The following TENM1 variants were observed in gnomAD, a reference collection of about 807,000 sequenced individuals.
TENM1 encodes the protein teneurin transmembrane protein 1.
TENM1 carries 35 observed loss-of-function variants against 174.8 expected under a neutral mutation model. The observed-to-expected ratio is 0.20, with a 90% CI of 0.15 to 0.27. The LOEUF (loss-of-function observed/expected upper bound fraction) is 0.27. Among genes scored for constraint, TENM1 ranks in the 10% least tolerant of loss-of-function variants. The pLI, the probability that TENM1 is intolerant of heterozygous loss-of-function variation, is 1.00. For missense variants in TENM1, 1,633 were observed against 2,130.1 expected (o/e 0.77, Z 4.59); for synonymous variants, 781 against 798.7 (o/e 0.98, Z 0.37).
At chrX:124,760,990 A>G (rs1004289177) in intron 3 of TENM1, among the ~76,000 whole-genome samples, 2 of 112,100 alleles carry the variant, frequency 1.8e-5, no homozygotes, top group African/African-American at 3.2e-5. Flanking sequence ...CAAAACCACA[A>G]TGAGATACCA....
chrX:124,813,700 G>T (rs982889005), intron 3 of TENM1, among the ~76,000 whole-genome samples: 1 of 111,338 alleles, frequency 9.0e-6, no homozygotes, highest in Non-Finnish European at 1.9e-5. Context: ...ATATGTGATT[G>T]TATATTTACA....
intron 25 of TENM1, among the ~76,000 whole-genome samples, chrX:124,407,754 A>T (rs2060479522): frequency 8.8e-6 from 1 of 113,013 alleles, no homozygotes; most frequent in South Asian, 3.6e-4. Flanking sequence ...GCACACACAC[A>T]TATATATTAT....
chrX:125,029,375 C>T, the TENM1 span, among the ~76,000 whole-genome samples: 39 of 111,766 alleles, frequency 3.5e-4, no homozygotes, highest in Non-Finnish European at 6.0e-4. Flanking sequence ...TTCCAATCTC[C>T]AGAGGAAGAT....
intron 11 of TENM1, among the ~76,000 whole-genome samples, chrX:124,574,017 A>G (rs1045340387): frequency 1.2e-4 from 13 of 112,452 alleles, no homozygotes; most frequent in Admixed American, 7.6e-4. Context: ...CATTAACATT[A>G]CAGGCTACAA....
At chrX:124,384,359 C>T in exon 30 of TENM1, 1 of 1,211,379 alleles carries the variant, frequency 8.3e-7, no homozygotes, top group Non-Finnish European at 1.1e-6. Context: ...CTTCCCATGG[C>T]TTAAGAGGTT....
At chrX:124,991,500 GAGAGAGAC>G in the TENM1 span, among the ~76,000 whole-genome samples, 23 of 106,999 alleles carry the variant, frequency 2.1e-4, no homozygotes, top group African/African-American at 7.0e-4. Flanking sequence ...GAGAGAGACA[GAGAGAGAC>G]AGAGAGACAG....
At chrX:124,466,171 G>A (rs965278606) in intron 22 of TENM1, among the ~76,000 whole-genome samples, 1 of 111,899 alleles carries the variant, frequency 8.9e-6, no homozygotes, top group African/African-American at 3.3e-5. Context: ...TGGTTGTGGT[G>A]TTTGACTATA....
intron 3 of TENM1, among the ~76,000 whole-genome samples, chrX:124,760,478 T>C (rs559834231): frequency 9.0e-6 from 1 of 111,603 alleles, no homozygotes; most frequent in South Asian, 3.8e-4. Context: ...ATAGGAGTGG[T>C]GCGAGAGGGC....
chrX:124,484,573 C>G (rs1163552028), intron 21 of TENM1, among the ~76,000 whole-genome samples: 1 of 111,805 alleles, frequency 8.9e-6, no homozygotes, highest in Non-Finnish European at 1.9e-5. Context: ...AAATCCAATG[C>G]TACTTTATTT....
At chrX:124,416,552 A>C (rs1328260788) in intron 25 of TENM1, among the ~76,000 whole-genome samples, 1 of 111,891 alleles carries the variant, frequency 8.9e-6, no homozygotes, top group Non-Finnish European at 1.9e-5. Context: ...TTGCTATGAA[A>C]ATTTGTGTAT....
At chrX:124,970,669 C>T in the TENM1 span, among the ~76,000 whole-genome samples, 12 of 111,598 alleles carry the variant, frequency 1.1e-4, no homozygotes, top group South Asian at 3.4e-3. Context: ...GAAATAGGAA[C>T]GCTTTTACAC....
At chrX:124,578,362 A>G (rs1052518456) in intron 11 of TENM1, among the ~76,000 whole-genome samples, 1 of 111,552 alleles carries the variant, frequency 9.0e-6, no homozygotes, top group African/African-American at 3.3e-5. Context: ...TGTTTTCAAC[A>G]CTTCTTCAAT....
the TENM1 span, among the ~76,000 whole-genome samples, chrX:125,021,502 G>A: frequency 1.8e-5 from 2 of 111,340 alleles, no homozygotes; most frequent in Admixed American, 9.6e-5. Context: ...TAACACTTTT[G>A]TACTTATATA....
the TENM1 span, among the ~76,000 whole-genome samples, chrX:125,175,043 C>T: frequency 1.8e-4 from 20 of 111,386 alleles, no homozygotes; most frequent in African/African-American, 6.5e-4. Context: ...CATACACATG[C>T]GCACACACAA....
At position 124,383,524 on chromosome X, in the gene TENM1, C is replaced by T. The variant is rs1003081922; in HGVS notation, c.7297+110G>A. Reference sequence around the variant, plus strand: ...CAGCAAATGCACAATAACTTGCGGGCTAACTGTCAGGAAGAGGAAGCATAT... The same window carrying T: ...CAGCAAATGCACAATAACTTGCGGGTTAACTGTCAGGAAGAGGAAGCATAT... On this transcript the variant is annotated intron_variant, in intron 30 of 31. Transcript: ENST00000422452. The T allele has an allele frequency of 8.1e-5, 59 of 729,457 alleles. No individual in the cohort carries two copies. The South Asian group carries it at 1.4e-3, about 17-fold the overall frequency. The allele number at this position is 729,457 out of a possible 1,213,427, so 60.1% of individuals were successfully genotyped here.
exon 1 of TENM1, chrX:124,963,564 T>C: frequency 8.3e-7 from 1 of 1,210,707 alleles, no homozygotes; most frequent in Non-Finnish European, 1.1e-6. Flanking sequence ...ACTTCTTTCC[T>C]CTTTCTACTC....
intron 1 of TENM1, among the ~76,000 whole-genome samples, chrX:124,958,461 G>A (rs943986458): frequency 1.8e-5 from 2 of 111,754 alleles, no homozygotes; most frequent in Admixed American, 9.5e-5. Context: ...ATGAAAAGGC[G>A]TTTAACCTCC....
intron 3 of TENM1, among the ~76,000 whole-genome samples, chrX:124,785,406 G>A (rs771456166): frequency 9.0e-6 from 1 of 111,543 alleles, no homozygotes; most frequent in South Asian, 3.7e-4. Flanking sequence ...CTGATGCTGG[G>A]CCAGGCATAT....
the TENM1 span, among the ~76,000 whole-genome samples, chrX:125,028,642 A>G: frequency 7.1e-5 from 8 of 112,010 alleles, no homozygotes; most frequent in Non-Finnish European, 1.5e-4. Flanking sequence ...AACTTTACCT[A>G]TGTAACAAAC....
Sources: allele counts gnomAD v4.1 joint callset (sites outside exome capture counted in the v4.1 genomes callset), GRCh38; gene constraint gnomAD v4.1.1; transcripts MANE v1.5; gene names NCBI Gene and HGNC (gene_info 2026-07-23, HGNC 2026-07-21).